Variants in ARHGAP10 observed in about 807,000 individuals in gnomAD.
ARHGAP10 encodes Rho GTPase activating protein 10, also known as rho GTPase-activating protein 10.
ARHGAP10 carries 87 observed loss-of-function variants against 108.6 expected under a neutral mutation model. The ratio of observed to expected loss-of-function variants is 0.80; its 90% confidence interval spans 0.67 to 0.96. The LOEUF (loss-of-function observed/expected upper bound fraction) is 0.96, where lower values mean the gene tolerates loss of function less well. Among genes scored for constraint, ARHGAP10 ranks in the 40% least tolerant of loss-of-function variants. The pLI, the probability that ARHGAP10 is intolerant of heterozygous loss-of-function variation, is 0.00. For missense variants in ARHGAP10, 939 were observed against 954.5 expected (o/e 0.98, Z 0.21); for synonymous variants, 347 against 341.1 (o/e 1.02, Z -0.19).
intron 1 of ARHGAP10, among the ~76,000 whole-genome samples, chr4:147,777,846 T>A (rs1470199211): frequency 6.6e-6 from 1 of 152,212 alleles, no homozygotes; most frequent in East Asian, 1.9e-4. Context: ...GTGCCATCAA[T>A]TTTGTGTTTT....
chr4:147,928,881 T>G (rs1479631277), intron 13 of ARHGAP10, among the ~76,000 whole-genome samples: 1 of 152,196 alleles, frequency 6.6e-6, no homozygotes, highest in Non-Finnish European at 1.5e-5. Context: ...ACTTGCTTTG[T>G]AAACATTATC....
intron 9 of ARHGAP10, among the ~76,000 whole-genome samples, chr4:147,881,268 C>CA (rs58379522): frequency 0.01 from 1,364 of 131,434 alleles, 15 homozygotes; most frequent in African/African-American, 0.024. Context: ...GCAAGACTGT[C>CA]AAAAAAAAAA....
intron 15 of ARHGAP10, among the ~76,000 whole-genome samples, chr4:147,951,228 TC>T (rs898494560): frequency 2.0e-5 from 3 of 151,880 alleles, no homozygotes; most frequent in Non-Finnish European, 2.9e-5. Flanking sequence ...GGTTTCTCAT[TC>T]CCCCCCTCCC....
chr4:147,864,831 GT>G lies in ARHGAP10; in HGVS notation c.487-14del. 6.2e-7 allele frequency: 1 copy of G among 1,609,644 alleles called. No homozygotes were observed. The highest frequency in any genetic ancestry group is 8.5e-7 in the Non-Finnish European group (1 of 1,176,912). On this transcript the variant is annotated splice_polypyrimidine_tract_variant and intron_variant, in intron 5 of 22. Coordinates refer to ENST00000336498, the MANE Select transcript of ARHGAP10 (RefSeq NM_024605.4). ...ACCATCTCCAGTTTGACTAACCTCT[GT>G]GATTTTAACATAGGCAGATATCCAA...
chr4:148,058,461 A>G (rs1729457404), intron 20 of ARHGAP10, among the ~76,000 whole-genome samples: 1 of 152,228 alleles, frequency 6.6e-6, no homozygotes. Context: ...GGCTGGAATC[A>G]GGGGCTTGTA....
chr4:148,022,848 G>A (rs1266641264), intron 18 of ARHGAP10, among the ~76,000 whole-genome samples: 2 of 152,242 alleles, frequency 1.3e-5, no homozygotes, highest in South Asian at 2.1e-4. Flanking sequence ...TTCTGTTTAC[G>A]TAGTTTGGAA....
chr4:147,819,349 A>G (rs954901539), intron 1 of ARHGAP10, among the ~76,000 whole-genome samples: 2 of 152,190 alleles, frequency 1.3e-5, no homozygotes, highest in Non-Finnish European at 2.9e-5. Flanking sequence ...ACATGTTCGT[A>G]TATATTATGT....
chr4:147,958,149 G>A (rs180903552), intron 16 of ARHGAP10, among the ~76,000 whole-genome samples: 49 of 152,302 alleles, frequency 3.2e-4, no homozygotes, highest in Admixed American at 8.5e-4. Flanking sequence ...GTCTTACTGC[G>A]TGATGTCTGT....
chr4:147,831,303 G>C (rs1732945975), intron 3 of ARHGAP10, among the ~76,000 whole-genome samples: 1 of 152,246 alleles, frequency 6.6e-6, no homozygotes, highest in African/African-American at 2.4e-5. Context: ...AAGGATTTGA[G>C]ACTATAGCTG....
At chr4:147,829,457 G>T (rs1732860374) in intron 3 of ARHGAP10, among the ~76,000 whole-genome samples, 1 of 152,160 alleles carries the variant, frequency 6.6e-6, no homozygotes, top group Admixed American at 6.5e-5. Context: ...TGAAAGTGCT[G>T]GGATTACAGA....
intron 3 of ARHGAP10, among the ~76,000 whole-genome samples, chr4:147,836,875 A>G (rs973135775): frequency 6.6e-6 from 1 of 151,918 alleles, no homozygotes; most frequent in African/African-American, 2.4e-5. Context: ...AGAAAGTATT[A>G]TTCCTGGCTT....
At chr4:147,990,968 A>T (rs1740250963) in intron 18 of ARHGAP10, among the ~76,000 whole-genome samples, 1 of 151,940 alleles carries the variant, frequency 6.6e-6, no homozygotes, top group South Asian at 2.1e-4. Flanking sequence ...GTGAGCCATG[A>T]TCACACCATA....
chr4:147,911,860 GT>G (rs1391591921), intron 12 of ARHGAP10, among the ~76,000 whole-genome samples: 2 of 151,214 alleles, frequency 1.3e-5, no homozygotes, highest in Non-Finnish European at 2.9e-5. Flanking sequence ...GGAGCATGGT[GT>G]AAAATATCAA....
At chr4:148,026,398 G>A (rs1206164926) in intron 19 of ARHGAP10, among the ~76,000 whole-genome samples, 1 of 152,164 alleles carries the variant, frequency 6.6e-6, no homozygotes, top group Non-Finnish European at 1.5e-5. Context: ...TTTCTGTTAT[G>A]TTCATTCAAC....
At chr4:148,016,366 G>T (rs1018306992) in intron 18 of ARHGAP10, among the ~76,000 whole-genome samples, 1 of 151,976 alleles carries the variant, frequency 6.6e-6, no homozygotes, top group Admixed American at 6.6e-5. Flanking sequence ...ACTTGGTTGT[G>T]GTGGCACGCG....
At chr4:147,781,411 C>T (rs1730525435) in intron 1 of ARHGAP10, among the ~76,000 whole-genome samples, 1 of 152,112 alleles carries the variant, frequency 6.6e-6, no homozygotes. Context: ...AGGATGTAGG[C>T]TCACCCTACA....
At chr4:147,878,018 C>T (rs1202853924) in intron 8 of ARHGAP10, among the ~76,000 whole-genome samples, 1 of 152,020 alleles carries the variant, frequency 6.6e-6, no homozygotes, top group African/African-American at 2.4e-5. Context: ...CTCACTGCAA[C>T]TTCCGCCTCC....
chr4:148,040,675 C>T (rs1190632881), intron 19 of ARHGAP10, among the ~76,000 whole-genome samples: 1 of 152,086 alleles, frequency 6.6e-6, no homozygotes, highest in Admixed American at 6.6e-5. Context: ...CTAGGTGGTT[C>T]TGTTGGTTTC....
In ARHGAP10 at chr4:147,822,885, T is replaced by C; in HGVS notation, c.251-11T>C. On this transcript the variant is annotated splice_polypyrimidine_tract_variant and intron_variant, in intron 2 of 22. Coordinates refer to ENST00000336498, the MANE Select transcript of ARHGAP10 (RefSeq NM_024605.4). ...CATGGCCACCAAATAATCACTCCTT[T>C]CTTCTTACAGATGCTTCCTTACGTG... is the stretch of plus-strand genomic sequence containing the variant. The C allele has an allele frequency of 6.2e-7, 1 of 1,614,034 alleles. No individual in the cohort carries two copies. The highest frequency in any genetic ancestry group is 1.1e-5 in the South Asian group (1 of 91,074).
Sources: allele counts gnomAD v4.1 joint callset (sites outside exome capture counted in the v4.1 genomes callset), GRCh38; gene constraint gnomAD v4.1.1; transcripts MANE v1.5; gene names NCBI Gene and HGNC (gene_info 2026-07-23, HGNC 2026-07-21).